STIM2: variants seen among roughly 807,000 people sequenced by gnomAD.
The protein encoded by STIM2 is stromal interaction molecule 2.
In STIM2, 31 loss-of-function variants were observed where a neutral mutation model predicts 85.8. The observed-to-expected ratio is 0.36, with a 90% CI of 0.27 to 0.49. The LOEUF is 0.49. STIM2 is among the 20% of genes least tolerant of loss of function. STIM2 has a pLI of 0.98. For synonymous variants in STIM2, 356 were observed against 331.1 expected (o/e 1.08, Z -0.82); for missense variants, 841 against 927.6 (o/e 0.91, Z 1.21).
chr4:26,934,740 CCT>C (rs1170544052), intron 2 of STIM2, among the ~76,000 whole-genome samples: 1 of 151,746 alleles, frequency 6.6e-6, no homozygotes, highest in Non-Finnish European at 1.5e-5. Context: ...ATGGAGAAAC[CCT>C]GTCTCTACAC....
chr4:27,018,757 C>T (rs1728818876), intron 11 of STIM2, among the ~76,000 whole-genome samples: 1 of 152,270 alleles, frequency 6.6e-6, no homozygotes, highest in African/African-American at 2.4e-5. Context: ...AGAGCATAAA[C>T]TTGTCATGAA....
chr4:26,956,443 C>CTG (rs1197916199), intron 2 of STIM2, among the ~76,000 whole-genome samples: 4 of 135,440 alleles, frequency 3.0e-5, no homozygotes, highest in African/African-American at 8.1e-5. Context: ...ATTTCAATGC[C>CTG]TTTTTTTTTT....
intron 3 of STIM2, among the ~76,000 whole-genome samples, chr4:26,973,433 G>T (rs1036849204): frequency 3.3e-5 from 5 of 152,128 alleles, no homozygotes; most frequent in Non-Finnish European, 7.4e-5. Context: ...ATCCTAGTAT[G>T]TTGTATCTTT....
chr4:26,907,229 A>G (rs764193130), intron 1 of STIM2, among the ~76,000 whole-genome samples: 1 of 152,144 alleles, frequency 6.6e-6, no homozygotes. Flanking sequence ...TCCCTAAATC[A>G]TTATCATGGA....
chr4:27,003,552 TCTC>T (rs1040374332), intron 7 of STIM2, among the ~76,000 whole-genome samples: 1 of 152,168 alleles, frequency 6.6e-6, no homozygotes, highest in African/African-American at 2.4e-5. Context: ...AATACCTGCT[TCTC>T]CTGTTCAGTT....
chr4:26,870,794 A>G (rs1190787757), intron 1 of STIM2, among the ~76,000 whole-genome samples: 1 of 152,200 alleles, frequency 6.6e-6, no homozygotes, highest in Non-Finnish European at 1.5e-5. Context: ...ACATTGTGAT[A>G]AGGGTAAAAG....
At chr4:26,897,363 T>A (rs1723745782) in intron 1 of STIM2, among the ~76,000 whole-genome samples, 1 of 152,208 alleles carries the variant, frequency 6.6e-6, no homozygotes, top group African/African-American at 2.4e-5. Flanking sequence ...TAATTTGAAT[T>A]TCCCTAATGG....
At chr4:26,940,180 A>G (rs1004829334) in intron 2 of STIM2, among the ~76,000 whole-genome samples, 1 of 152,124 alleles carries the variant, frequency 6.6e-6, no homozygotes, top group Admixed American at 6.6e-5. Context: ...CTGGAGTCTT[A>G]ATGTTGTTGA....
chr4:27,003,188 C>T, intron 7 of STIM2, 84 bp downstream of exon 7: 2 of 1,328,836 alleles, frequency 1.5e-6, no homozygotes, highest in Non-Finnish European at 2.0e-6. Context: ...CTTCAGTTTC[C>T]TACATTTAGT....
chr4:27,021,269 A>G (rs567214662), intron 11 of STIM2: 233 of 520,684 alleles, frequency 4.5e-4, no homozygotes, highest in Non-Finnish European at 7.3e-4. Context: ...GCCTATAAAC[A>G]AGTTAATATA....
rs147847385 is a variant in STIM2 at position 26,871,038 on chromosome 4, A to T, written c.151+9669A>T. Among the ~76,000 whole-genome samples the T allele has an allele frequency of 9.9e-5, 15 of 152,184 alleles. No homozygotes were observed. In the East Asian group the frequency reaches 2.5e-3, roughly 25 times the overall value. On this transcript the variant is annotated intron_variant, in intron 1 of 11. Transcript: ENST00000467087. ...GGTGGGGAGTGAGATTATTATAGGC[A>T]TTGACATTTGAGAATGCTAAATGTG...
At chr4:26,936,464 A>G (rs1007098447) in intron 2 of STIM2, among the ~76,000 whole-genome samples, 2 of 152,150 alleles carry the variant, frequency 1.3e-5, no homozygotes, top group Non-Finnish European at 2.9e-5. Context: ...CATCCAGACT[A>G]TCTAATCTCT....
At chr4:27,015,432 GTTA>G (rs1019585734) in intron 10 of STIM2, among the ~76,000 whole-genome samples, 2 of 151,578 alleles carry the variant, frequency 1.3e-5, no homozygotes, top group African/African-American at 4.8e-5. Context: ...CATTTTGCTT[GTTA>G]TTCATTTCTT....
At chr4:26,913,367 C>T (rs1172091018) in intron 1 of STIM2, among the ~76,000 whole-genome samples, 1 of 151,994 alleles carries the variant, frequency 6.6e-6, no homozygotes, top group Admixed American at 6.6e-5. Context: ...TTTTCGACTT[C>T]ATGGAGTTTT....
In STIM2 at chr4:27,009,259, GATT is replaced by G. The variant is rs532772022; in HGVS notation, c.1489+262_1489+264del. Among the ~76,000 whole-genome samples the G allele has an allele frequency of 2.8e-3, 420 of 151,982 alleles. 1 individual carries two copies. The highest frequency in any genetic ancestry group is 9.7e-3 in the African/African-American group (404 of 41,438). On this transcript the variant is annotated intron_variant, in intron 10 of 11. Transcript: ENST00000467087. ...AGAAATCTGAATGCTTTATAAATTT[GATT>G]ATTAAGTGTTTATTTGAGCAACTGT...
At chr4:26,937,220 T>A (rs1020446360) in intron 2 of STIM2, among the ~76,000 whole-genome samples, 1 of 152,242 alleles carries the variant, frequency 6.6e-6, no homozygotes, top group Admixed American at 6.5e-5. Context: ...AAAAATTATT[T>A]CTAATTTCTG....
At chr4:26,995,853 G>C (rs10939147) in intron 4 of STIM2, among the ~76,000 whole-genome samples, 1 of 151,808 alleles carries the variant, frequency 6.6e-6, no homozygotes, top group African/African-American at 2.4e-5. Flanking sequence ...ATTAATGTGC[G>C]TCTCTTTCTT....
At chr4:27,016,019 C>G (rs1728720568) in intron 10 of STIM2, among the ~76,000 whole-genome samples, 1 of 151,936 alleles carries the variant, frequency 6.6e-6, no homozygotes, top group Non-Finnish European at 1.5e-5. Flanking sequence ...GTCTTTTGAT[C>G]TATCTATGCT....
In STIM2 at chr4:27,002,475, C is replaced by T. The variant is rs967348631; in HGVS notation, c.803+81C>T. 10 of 1,117,148 alleles carry T rather than the reference C, an allele frequency of 9.0e-6. No homozygotes were observed. The Admixed American group carries it at 2.4e-4, about 27-fold the overall frequency. 69.2% of individuals were successfully genotyped at this position (1,117,148 alleles called of 1,614,324 possible). On this transcript the variant is annotated intron_variant, in intron 6 of 11. Coordinates refer to ENST00000467087, the MANE Select transcript of STIM2 (RefSeq NM_020860.4). ...AGTGATATGGGCATGTGCTTAAATACTTACATTTAGGTTATTATACACATC... is the reference window on the plus strand; with the variant it reads ...AGTGATATGGGCATGTGCTTAAATATTTACATTTAGGTTATTATACACATC...
Sources: allele counts gnomAD v4.1 joint callset (sites outside exome capture counted in the v4.1 genomes callset), GRCh38; gene constraint gnomAD v4.1.1; transcripts MANE v1.5; gene names NCBI Gene and HGNC (gene_info 2026-07-23, HGNC 2026-07-21).